Variants in OPCML observed in about 807,000 individuals in gnomAD.
OPCML encodes opioid-binding protein/cell adhesion molecule.
OPCML carries 13 observed loss-of-function variants against 37.8 expected under a neutral mutation model. The ratio of observed to expected loss-of-function variants is 0.34; its 90% CI spans 0.22 to 0.55. The LOEUF is 0.55. Among genes scored for constraint, OPCML ranks in the 20% least tolerant of loss-of-function variants. OPCML has a pLI of 0.91. For synonymous variants in OPCML, 176 were observed against 168.8 expected, an observed-to-expected ratio of 1.04 and a Z score of -0.33; for missense variants, 341 against 435.6, an observed-to-expected ratio of 0.78 and a Z score of 1.93.
At chr11:133,458,777 A>ATACACATAGATGCACGTGTGTGTG (rs1946782555) in intron 1 of OPCML, among the ~76,000 whole-genome samples, 3 of 131,434 alleles carry the variant, frequency 2.3e-5, no homozygotes, top group African/African-American at 1.2e-4. Flanking sequence ...ACGTGTGTGT[A>ATACACATAGATGCACGTGTGTGTG]TATACACATA....
At chr11:133,243,520 G>T (rs530156409) in intron 1 of OPCML, among the ~76,000 whole-genome samples, 1 of 152,188 alleles carries the variant, frequency 6.6e-6, no homozygotes, top group African/African-American at 2.4e-5. Flanking sequence ...GTGAGAAGGC[G>T]CTGCAGAGGG....
At chr11:132,795,790 G>A (rs930810983) in intron 2 of OPCML, among the ~76,000 whole-genome samples, 4 of 152,134 alleles carry the variant, frequency 2.6e-5, no homozygotes, top group Admixed American at 1.3e-4. Context: ...GAGAAAATTG[G>A]GTCTGAGGCT....
intron 1 of OPCML, among the ~76,000 whole-genome samples, chr11:133,002,843 G>A (rs1317476411): frequency 3.3e-5 from 5 of 152,078 alleles, no homozygotes; most frequent in Non-Finnish European, 2.9e-5. Context: ...AATCCTATAA[G>A]ACCTTTTACT....
At chr11:133,454,167 C>G (rs985884641) in intron 1 of OPCML, among the ~76,000 whole-genome samples, 5 of 152,100 alleles carry the variant, frequency 3.3e-5, no homozygotes, top group Admixed American at 2.6e-4. Flanking sequence ...CTGTGGAAAT[C>G]AAGTTTCATT....
intron 1 of OPCML, among the ~76,000 whole-genome samples, chr11:133,144,487 G>A (rs1008023800): frequency 5.3e-5 from 8 of 152,242 alleles, no homozygotes; most frequent in Non-Finnish European, 7.3e-5. Flanking sequence ...GGATGGACTC[G>A]ATTTGTGAGT....
rs145282069 is a variant in OPCML, at chr11:133,513,918, A to G, written c.61+18346T>C. On this transcript the variant is annotated intron_variant, in intron 1 of 7. Transcript: ENST00000524381. ...TGTTGTTGTCAGGAACACAGCAGCA[A>G]AGAAATCGAGCCAGCAAGGTCAGTT... Among the ~76,000 whole-genome samples, 51 of 152,330 alleles carry G rather than the reference A, an allele frequency of 3.3e-4. No individual in the cohort carries two copies. The East Asian group carries it at 9.4e-3, about 28-fold the overall frequency.
chr11:132,483,926 T>A (rs1156913017), intron 4 of OPCML, among the ~76,000 whole-genome samples: 2 of 152,036 alleles, frequency 1.3e-5, no homozygotes, highest in Non-Finnish European at 2.9e-5. Flanking sequence ...TCAAGATGGA[T>A]TAAAGACTTA....
intron 3 of OPCML, among the ~76,000 whole-genome samples, chr11:132,609,063 A>G: frequency 6.6e-6 from 1 of 151,368 alleles, no homozygotes; most frequent in East Asian, 2.0e-4. Context: ...CTAGTGTGAG[A>G]GTGACTTTTT....
chr11:132,891,438 A>G (rs1048908264), intron 2 of OPCML, among the ~76,000 whole-genome samples: 1 of 152,216 alleles, frequency 6.6e-6, no homozygotes, highest in African/African-American at 2.4e-5. Context: ...GAGTTTGTTT[A>G]TGTGCAAATA....
intron 1 of OPCML, among the ~76,000 whole-genome samples, chr11:132,991,656 A>C (rs974844130): frequency 2.0e-5 from 3 of 152,208 alleles, no homozygotes; most frequent in African/African-American, 7.2e-5. Context: ...ATGGCAGCCC[A>C]GGCCTTCAAC....
chr11:132,999,992 G>A (rs114688318), intron 1 of OPCML, among the ~76,000 whole-genome samples: 317 of 152,270 alleles, frequency 2.1e-3, no homozygotes, highest in African/African-American at 7.0e-3. Flanking sequence ...TAGACACACC[G>A]CTGAGCCAAA....
chr11:132,686,933 G>C (rs1435818492), intron 2 of OPCML, among the ~76,000 whole-genome samples: 1 of 152,114 alleles, frequency 6.6e-6, no homozygotes, highest in Non-Finnish European at 1.5e-5. Flanking sequence ...AGAATGTCTG[G>C]CTGCTGTGCT....
At chr11:132,623,858 T>C (rs946776214) in intron 3 of OPCML, among the ~76,000 whole-genome samples, 1 of 152,258 alleles carries the variant, frequency 6.6e-6, no homozygotes, top group Non-Finnish European at 1.5e-5. Flanking sequence ...CTGAAAGAAC[T>C]GTCACAAGTT....
intron 1 of OPCML, among the ~76,000 whole-genome samples, chr11:133,138,602 C>A (rs11223369): frequency 1.1e-4 from 17 of 152,236 alleles, no homozygotes; most frequent in South Asian, 2.1e-4. Context: ...AATGAACATG[C>A]CTTCCATAGC....
chr11:133,272,893 A>G (rs1941891477), intron 1 of OPCML, among the ~76,000 whole-genome samples: 1 of 152,216 alleles, frequency 6.6e-6, no homozygotes, highest in Admixed American at 6.5e-5. Flanking sequence ...CAGGGGGCAG[A>G]AGAAATGTTA....
At chr11:133,192,228 CAG>C (rs921759651) in intron 1 of OPCML, among the ~76,000 whole-genome samples, 4 of 152,104 alleles carry the variant, frequency 2.6e-5, no homozygotes, top group Non-Finnish European at 5.9e-5. Context: ...CTTCTGAAGC[CAG>C]AGTCAATAAT....
At chr11:132,828,641 AT>A (rs968693142) in intron 2 of OPCML, among the ~76,000 whole-genome samples, 1 of 152,156 alleles carries the variant, frequency 6.6e-6, no homozygotes, top group Non-Finnish European at 1.5e-5. Flanking sequence ...AAAAAGTGGA[AT>A]TTTTTTATTG....
intron 1 of OPCML, among the ~76,000 whole-genome samples, chr11:132,952,427 A>G (rs1210222133): frequency 6.6e-6 from 1 of 152,168 alleles, no homozygotes; most frequent in Non-Finnish European, 1.5e-5. Flanking sequence ...TGCTTGCACA[A>G]TTAATGCAGG....
intron 1 of OPCML, among the ~76,000 whole-genome samples, chr11:133,253,160 A>G (rs2136438349): frequency 6.6e-6 from 1 of 151,758 alleles, no homozygotes; most frequent in Non-Finnish European, 1.5e-5. Flanking sequence ...AAAAAAAAAA[A>G]AGGAAAGAAA....
Sources: allele counts gnomAD v4.1 joint callset (sites outside exome capture counted in the v4.1 genomes callset), GRCh38; gene constraint gnomAD v4.1.1; transcripts MANE v1.5; gene names NCBI Gene and HGNC (gene_info 2026-07-23, HGNC 2026-07-21).